WDR7: variants seen among roughly 807,000 people sequenced by gnomAD.
WDR7 encodes WD repeat-containing protein 7.
In WDR7, 46 loss-of-function variants were observed where a neutral mutation model predicts 169.4. The observed-to-expected ratio is 0.27, with a 90% CI of 0.21 to 0.35. WDR7 has a LOEUF of 0.35. Among genes scored for constraint, WDR7 ranks in the 10% least tolerant of loss-of-function variants. The pLI, the probability that WDR7 is intolerant of heterozygous loss-of-function variation, is 1.00. For synonymous variants in WDR7, 612 were observed against 666.8 expected, an observed-to-expected ratio of 0.92 and a Z score of 1.27; for missense variants, 1,534 against 1,859.3, an observed-to-expected ratio of 0.83 and a Z score of 3.22.
At position 56,987,695 on chromosome 18, in the gene WDR7, A is replaced by G. The variant is rs151266627; in HGVS notation, c.4164+25166A>G. 1.2e-3 allele frequency among the ~76,000 whole-genome samples: 182 copies of G among 152,304 alleles called. 1 individual carries two copies. The highest frequency in any genetic ancestry group is 2.1e-3 in the Non-Finnish European group (142 of 68,020). ...TTTTTCTTTTGTGCTTGATTATTTT[A>G]AGGTGTAATAGAGAAAAAAATAGTA... is the stretch of plus-strand genomic sequence containing the variant. On this transcript the variant is annotated intron_variant, in intron 26 of 27. Coordinates refer to ENST00000254442, the MANE Select transcript of WDR7 (RefSeq NM_015285.3).
intron 13 of WDR7, among the ~76,000 whole-genome samples, chr18:56,722,238 A>AT (rs2026338229): frequency 6.6e-6 from 1 of 152,196 alleles, no homozygotes; most frequent in South Asian, 2.1e-4. Flanking sequence ...CTTAAGACTA[A>AT]TTTTTGAAAA....
intron 26 of WDR7, among the ~76,000 whole-genome samples, chr18:56,979,803 T>G (rs1007309083): frequency 6.6e-6 from 1 of 152,244 alleles, no homozygotes. Context: ...ATGGAGATAA[T>G]TAGAAGAACA....
intron 19 of WDR7, among the ~76,000 whole-genome samples, chr18:56,806,825 G>A (rs1599060120): frequency 6.6e-6 from 1 of 152,036 alleles, no homozygotes; most frequent in African/African-American, 2.4e-5. Flanking sequence ...AGTATAATGA[G>A]GGAACATTGC....
At chr18:56,766,474 T>G (rs2044069301) in intron 16 of WDR7, among the ~76,000 whole-genome samples, 1 of 152,216 alleles carries the variant, frequency 6.6e-6, no homozygotes, top group Non-Finnish European at 1.5e-5. Flanking sequence ...TAGTTTCCAT[T>G]GCAATGTCTT....
intron 13 of WDR7, among the ~76,000 whole-genome samples, chr18:56,719,258 G>A (rs2026261683): frequency 6.6e-6 from 1 of 151,970 alleles, no homozygotes; most frequent in Admixed American, 6.6e-5. Flanking sequence ...TCTCTTTCTG[G>A]GCATTTTAAA....
intron 21 of WDR7, among the ~76,000 whole-genome samples, chr18:56,905,765 A>G (rs2145581097): frequency 6.6e-6 from 1 of 152,218 alleles, no homozygotes; most frequent in East Asian, 1.9e-4. Context: ...TATAAGCAAA[A>G]TAAAAAGACA....
At chr18:56,785,630 T>G (rs2044386332) in intron 19 of WDR7, among the ~76,000 whole-genome samples, 1 of 152,102 alleles carries the variant, frequency 6.6e-6, no homozygotes, top group Non-Finnish European at 1.5e-5. Context: ...AAGTTTAATG[T>G]GGGTGGTAAC....
intron 26 of WDR7, among the ~76,000 whole-genome samples, chr18:56,990,456 TA>T (rs996809517): frequency 1.3e-5 from 2 of 152,220 alleles, no homozygotes; most frequent in African/African-American, 4.8e-5. Flanking sequence ...GAAGTTACAT[TA>T]AAAACAAACA....
downstream of WDR7, chr18:57,032,519 G>A (rs2048446410): frequency 1.3e-5 from 2 of 152,122 alleles, no homozygotes; most frequent in African/African-American, 4.8e-5. Context: ...GTGGTGGTGA[G>A]CCAGCAAAGT....
At position 57,027,380 on chromosome 18, in the gene WDR7, G is replaced by A. The variant is rs768124739; in HGVS notation, c.*173G>A. 2.5e-5 allele frequency: 19 copies of A among 758,260 alleles called. No homozygotes were observed. Among genetic ancestry groups the A allele is most frequent in the South Asian group, 5.6e-5 (3 of 53,906 alleles). 47.0% of individuals were successfully genotyped at this position (758,260 alleles called of 1,614,324 possible). A position where few individuals can be genotyped will look rare whatever the true frequency, so the allele number is the denominator to read the frequency against. On this transcript the variant is annotated 3_prime_UTR_variant, in exon 28 of 28. Transcript: ENST00000254442. ...TGCTTCTCAGGGGCAGAACCCGCTC[G>A]TGCCATCTGTCGATTCAGAGGCACG...
At chr18:56,814,431 A>T (rs2044928715) in intron 19 of WDR7, among the ~76,000 whole-genome samples, 1 of 152,190 alleles carries the variant, frequency 6.6e-6, no homozygotes, top group Admixed American at 6.5e-5. Flanking sequence ...AGCAGTATCT[A>T]TTTAGGAATG....
intron 3 of WDR7, among the ~76,000 whole-genome samples, chr18:56,680,530 A>T (rs2025332661): frequency 1.3e-5 from 2 of 152,238 alleles, no homozygotes; most frequent in Non-Finnish European, 2.9e-5. Context: ...AAATTGTCTT[A>T]TATAATACCA....
intron 26 of WDR7, among the ~76,000 whole-genome samples, chr18:56,987,372 T>C (rs188662721): frequency 2.6e-5 from 4 of 151,558 alleles, no homozygotes; most frequent in African/African-American, 9.7e-5. Context: ...TGATGATGAT[T>C]ATTGATTATC....
chr18:56,935,819 G>A lies in WDR7; in HGVS notation c.3745G>A (p.Ala1249Thr), dbSNP rs575032570. 15 of 1,614,094 alleles carry A rather than the reference G, an allele frequency of 9.3e-6. No individual in the cohort carries two copies. In the South Asian group the frequency reaches 1.5e-4, roughly 17 times the overall value. The change falls in exon 23 of 28, where the codon GCT (alanine) becomes ACT (threonine). Residue 1249 changes from alanine (A) to threonine (T), a missense_variant. Physicochemically the swap from Ala to Thr is moderately conservative, Grantham distance 58. Coordinates refer to ENST00000254442, the MANE Select transcript of WDR7 (RefSeq NM_015285.3). ...AATGGGGTTGCCTCTGAGCCCAGCA[G>A]CTGACTCGGCCCGCTCTGCGAGGCA... ...ITMGLPLSPA[A>T]DSARSARHAL...
intron 21 of WDR7, among the ~76,000 whole-genome samples, chr18:56,904,765 C>G (rs1436508500): frequency 6.6e-6 from 1 of 152,174 alleles, no homozygotes; most frequent in East Asian, 1.9e-4. Flanking sequence ...TTAGGAAACT[C>G]ACCTTCAATT....
chr18:56,655,973 C>A (rs893579913), intron 1 of WDR7, among the ~76,000 whole-genome samples: 1 of 152,106 alleles, frequency 6.6e-6, no homozygotes, highest in African/African-American at 2.4e-5. Context: ...ACGTATGTAT[C>A]CAAGTTTAAC....
chr18:56,781,394 G>A (rs2044316137), intron 18 of WDR7, 139 bp from the exon 19 acceptor site: 3 of 890,732 alleles, frequency 3.4e-6, no homozygotes, highest in African/African-American at 1.7e-5. Flanking sequence ...TAACTCATTC[G>A]GTTAATAGTG....
intron 21 of WDR7, among the ~76,000 whole-genome samples, chr18:56,904,727 A>G (rs1044843890): frequency 6.6e-6 from 1 of 152,162 alleles, no homozygotes; most frequent in African/African-American, 2.4e-5. Context: ...GACTATGTGT[A>G]AGCTCATGTT....
At chr18:56,988,730 T>C (rs1185045489) in intron 26 of WDR7, among the ~76,000 whole-genome samples, 2 of 151,978 alleles carry the variant, frequency 1.3e-5, no homozygotes, top group African/African-American at 2.4e-5. Flanking sequence ...ATGGTTGTGC[T>C]TTAATTCAAA....
Sources: gnomAD v4.1 joint callset for allele counts (sites outside exome capture counted in the v4.1 genomes callset) on GRCh38, gnomAD v4.1.1 for gene constraint, MANE v1.5 for transcripts, NCBI Gene and HGNC (gene_info 2026-07-23, HGNC 2026-07-21) for gene names.